Variants in CNTN6 observed in about 807,000 individuals in gnomAD.
The protein encoded by CNTN6 is contactin-6.
A neutral mutation model predicts 122.8 loss-of-function variants in CNTN6; 137 were observed. The observed-to-expected ratio is 1.12, with a 90% CI of 0.97 to 1.29. The LOEUF is 1.29. CNTN6 is among the 50% of genes most tolerant of loss of function. The pLI, the probability that CNTN6 is intolerant of heterozygous loss-of-function variation, is 0.00. For missense variants in CNTN6, 1,634 were observed against 1,223.4 expected (o/e 1.34, Z -5.01); for synonymous variants, 570 against 426.0 (o/e 1.34, Z -4.16).
At position 1,220,668 on chromosome 3, in the gene CNTN6, T is replaced by A; in HGVS notation, c.56-19T>A. 6.3e-7 allele frequency: 1 copy of A among 1,591,482 alleles called. No homozygotes were observed. The highest frequency in any genetic ancestry group is 8.5e-7 in the Non-Finnish European group (1 of 1,171,480). On this transcript the variant is annotated intron_variant, in intron 2 of 22. Transcript: ENST00000446702. ...AGGGCCACTTTTTTTTCATGTGATTTATTCTTTTCTTTTCCCAGGTGATGG... is the reference window on the plus strand; with the variant it reads ...AGGGCCACTTTTTTTTCATGTGATTAATTCTTTTCTTTTCCCAGGTGATGG...
intron 2 of CNTN6, among the ~76,000 whole-genome samples, chr3:1,172,139 A>G (rs1288744361): frequency 1.3e-5 from 2 of 152,152 alleles, no homozygotes; most frequent in African/African-American, 4.8e-5. Flanking sequence ...CTCTTGGAAG[A>G]GTAACTATAT....
intron 4 of CNTN6, among the ~76,000 whole-genome samples, chr3:1,269,938 A>G (rs1215492091): frequency 6.6e-6 from 1 of 152,196 alleles, no homozygotes; most frequent in Non-Finnish European, 1.5e-5. Context: ...TGGACTGTAA[A>G]TGGATTTGAC....
chr3:1,300,633 T>G (rs963174300), intron 7 of CNTN6, among the ~76,000 whole-genome samples: 6 of 151,554 alleles, frequency 4.0e-5, no homozygotes, highest in East Asian at 3.9e-4. Flanking sequence ...AAAGGAGAGA[T>G]AACATGATCA....
At chr3:1,099,359 G>A (rs2090746793) in intron 1 of CNTN6, among the ~76,000 whole-genome samples, 3 of 152,010 alleles carry the variant, frequency 2.0e-5, no homozygotes, top group Non-Finnish European at 1.5e-5. Flanking sequence ...GCTGAGGCGG[G>A]AGAATGGCGG....
intron 7 of CNTN6, among the ~76,000 whole-genome samples, chr3:1,303,816 C>T (rs1343307965): frequency 6.6e-6 from 1 of 152,150 alleles, no homozygotes; most frequent in Non-Finnish European, 1.5e-5. Context: ...TTTTGATAGG[C>T]AGTTGTTATA....
Position 1,383,439 on chromosome 3 carries a change from G to C in CNTN6, c.2517+31G>C, listed in dbSNP as rs772832377. ...CCACATTAATTTCACTTTTGCTTATGAATGTGCCAATGGACTTCGCAATAG... is the reference window on the plus strand; with the variant it reads ...CCACATTAATTTCACTTTTGCTTATCAATGTGCCAATGGACTTCGCAATAG... On this transcript the variant is annotated intron_variant, in intron 19 of 22. Transcript: ENST00000446702. 5.1e-6 allele frequency: 8 copies of C among 1,559,770 alleles called. No homozygotes were observed. In the East Asian group the frequency reaches 1.8e-4, roughly 35 times the overall value.
intron 1 of CNTN6, among the ~76,000 whole-genome samples, chr3:1,102,642 G>A (rs1156356625): frequency 6.7e-6 from 1 of 150,050 alleles, no homozygotes; most frequent in Non-Finnish European, 1.5e-5. Context: ...GCAGGAGAAT[G>A]GCGGGAACCC....
At chr3:1,312,558 C>T (rs1699504225) in intron 7 of CNTN6, among the ~76,000 whole-genome samples, 1 of 149,852 alleles carries the variant, frequency 6.7e-6, no homozygotes, top group Non-Finnish European at 1.5e-5. Flanking sequence ...AATTTGGAGG[C>T]ATCTCAATAT....
intron 20 of CNTN6, among the ~76,000 whole-genome samples, chr3:1,386,393 CT>C (rs1355635215): frequency 6.6e-6 from 1 of 152,124 alleles, no homozygotes. Flanking sequence ...TAAGAATGAA[CT>C]CTTCTGTTTT....
At chr3:1,249,562 A>T (rs1290766966) in intron 4 of CNTN6, among the ~76,000 whole-genome samples, 1 of 152,238 alleles carries the variant, frequency 6.6e-6, no homozygotes, top group Non-Finnish European at 1.5e-5. Context: ...CAGAAAATGC[A>T]AATAAGGAAG....
intron 1 of CNTN6, among the ~76,000 whole-genome samples, chr3:1,099,244 G>A (rs2090726490): frequency 1.3e-5 from 2 of 152,052 alleles, no homozygotes; most frequent in South Asian, 2.1e-4. Context: ...GAGGTCAGGA[G>A]ATCGAGACCA....
rs145597983 is a variant in CNTN6, at chr3:1,107,308, TG to T, written c.-83+14189del. On this transcript the variant is annotated intron_variant, in intron 1 of 22. Coordinates refer to ENST00000446702, the MANE Select transcript of CNTN6 (RefSeq NM_001289080.2). ...ATGTCATATGGTTTAAAATTATAAT[TG>T]TTGAGTACCCATTTCAAAATATGAT... Among the ~76,000 whole-genome samples, 769 of 152,240 alleles carry T rather than the reference TG, an allele frequency of 5.1e-3. 12 individuals carry two copies. Among genetic ancestry groups the T allele is most frequent in the African/African-American group, 0.018 (733 of 41,562 alleles).
intron 12 of CNTN6, among the ~76,000 whole-genome samples, chr3:1,357,189 T>C (rs1366621749): frequency 6.6e-6 from 1 of 151,882 alleles, no homozygotes; most frequent in Non-Finnish European, 1.5e-5. Flanking sequence ...TTAAACCTAT[T>C]ATTGGTCAAA....
At chr3:1,224,871 G>T (rs148517619) in intron 3 of CNTN6, among the ~76,000 whole-genome samples, 1 of 152,018 alleles carries the variant, frequency 6.6e-6, no homozygotes, top group Non-Finnish European at 1.5e-5. Context: ...TCAGCCTCCC[G>T]AGTAGCTGGG....
chr3:1,175,910 G>A (rs1329609810), intron 2 of CNTN6, among the ~76,000 whole-genome samples: 2 of 152,188 alleles, frequency 1.3e-5, no homozygotes, highest in African/African-American at 4.8e-5. Flanking sequence ...AATTTGTCAA[G>A]GAGGACTCTT....
intron 2 of CNTN6, among the ~76,000 whole-genome samples, chr3:1,151,766 T>G (rs964499477): frequency 6.6e-6 from 1 of 152,198 alleles, no homozygotes; most frequent in African/African-American, 2.4e-5. Context: ...AAAAAGTTCT[T>G]GACTAATACA....
chr3:1,325,773 A>C, intron 8 of CNTN6, 42 bp from the exon 9 acceptor site: 1 of 1,598,086 alleles, frequency 6.3e-7, no homozygotes, highest in Non-Finnish European at 8.5e-7. Flanking sequence ...GTCTTGGATA[A>C]CTGCCTTTTA....
At chr3:1,112,095 A>T (rs2091507846) in intron 1 of CNTN6, among the ~76,000 whole-genome samples, 1 of 152,144 alleles carries the variant, frequency 6.6e-6, no homozygotes, top group African/African-American at 2.4e-5. Context: ...GAACTATATT[A>T]TTCAGTTTAT....
chr3:1,195,272 C>T (rs949270016), intron 2 of CNTN6, among the ~76,000 whole-genome samples: 5 of 152,136 alleles, frequency 3.3e-5, no homozygotes. Context: ...CTGGTGATTC[C>T]TCTGAAACCC....
Sources: allele counts gnomAD v4.1 joint callset (sites outside exome capture counted in the v4.1 genomes callset), GRCh38; gene constraint gnomAD v4.1.1; transcripts MANE v1.5; gene names NCBI Gene and HGNC (gene_info 2026-07-23, HGNC 2026-07-21).